Variants in PPARG observed in about 807,000 individuals in gnomAD.
PPARG encodes the protein peroxisome proliferator-activated receptor gamma.
A neutral mutation model predicts 39.2 loss-of-function variants in PPARG; 17 were observed. The ratio of observed to expected loss-of-function variants is 0.43; its 90% CI spans 0.30 to 0.65. PPARG has a LOEUF of 0.65. Ranked by LOEUF, PPARG falls within the 30% of genes least tolerant of loss-of-function variation. The pLI is 0.13. For synonymous variants in PPARG, 223 were observed against 215.7 expected (o/e 1.03, Z -0.30); for missense variants, 406 against 585.9 (o/e 0.69, Z 3.17).
rs78717208 is a variant in PPARG at position 12,334,306 on chromosome 3, C to T, written c.-9+21853C>T. On this transcript the variant is annotated intron_variant, in intron 2 of 7. Coordinates refer to ENST00000651735, the MANE Select transcript of PPARG (RefSeq NM_138711.6). ...AGTGCAGTGGTACGATTTTGGCTCA[C>T]TGCAACCTCTGCCTCCCGGGTTCAA... Among the ~76,000 whole-genome samples the T allele has an allele frequency of 8.6e-5, 13 of 151,654 alleles. No homozygotes were observed. In the East Asian group the frequency reaches 2.5e-3, roughly 29 times the overall value.
At chr3:12,397,088 A>T (rs75636282) in intron 5 of PPARG, among the ~76,000 whole-genome samples, 3 of 152,044 alleles carry the variant, frequency 2.0e-5, no homozygotes, top group Admixed American at 2.0e-4. Flanking sequence ...GGTTAAAAAT[A>T]TGTTTTTCAT....
rs146574760 is a variant in PPARG, at chr3:12,298,667, C to T, written c.-83+9533C>T. 3.5e-3 allele frequency among the ~76,000 whole-genome samples: 527 copies of T among 152,174 alleles called. 2 individuals are homozygous for T. The highest frequency in any genetic ancestry group is 6.8e-3 in the Middle Eastern group (2 of 294). On this transcript the variant is annotated intron_variant, in intron 1 of 7. Coordinates refer to ENST00000651735, the MANE Select transcript of PPARG (RefSeq NM_138711.6). ...TTATAAATATTTATTCTGTATGCCT[C>T]CCCAGTTTGGGATGATTTCATCCTT...
intron 4 of PPARG, among the ~76,000 whole-genome samples, chr3:12,390,636 CCT>C (rs2050039595): frequency 1.4e-5 from 1 of 69,186 alleles, no homozygotes; most frequent in Non-Finnish European, 2.6e-5. Flanking sequence ...GTATTTTCTT[CCT>C]TTTTTTTTTT....
chr3:12,400,666 T>G (rs1406522310), intron 5 of PPARG, among the ~76,000 whole-genome samples: 1 of 152,186 alleles, frequency 6.6e-6, no homozygotes, highest in Non-Finnish European at 1.5e-5. Context: ...GCCAGATCTG[T>G]AGAACAGACA....
chr3:12,314,607 G>A (rs905991039), intron 2 of PPARG, among the ~76,000 whole-genome samples: 2 of 152,050 alleles, frequency 1.3e-5, no homozygotes, highest in African/African-American at 4.8e-5. Flanking sequence ...CAAAATATCT[G>A]ACCCTCGCCG....
At chr3:12,338,354 C>T (rs1050161449) in intron 2 of PPARG, among the ~76,000 whole-genome samples, 1 of 152,058 alleles carries the variant, frequency 6.6e-6, no homozygotes, top group African/African-American at 2.4e-5. Context: ...CCTCTTTTGT[C>T]TTTATTTATA....
chr3:12,378,153 C>T (rs1448940332), intron 2 of PPARG, among the ~76,000 whole-genome samples: 1 of 152,086 alleles, frequency 6.6e-6, no homozygotes, highest in African/African-American at 2.4e-5. Context: ...AGAGGGAACC[C>T]TTGTACACTG....
intron 5 of PPARG, among the ~76,000 whole-genome samples, chr3:12,393,803 T>C (rs890574674): frequency 7.9e-5 from 12 of 152,162 alleles, no homozygotes; most frequent in African/African-American, 2.9e-4. Flanking sequence ...AGATACTTGG[T>C]TTTCACAGTG....
At chr3:12,287,782 G>C (rs2046538966), upstream of PPARG, 1 of 135,600 alleles carries the variant, frequency 7.4e-6, no homozygotes, top group Admixed American at 7.0e-5. Flanking sequence ...CCTCCCAGTC[G>C]CGCGCCGCCG....
In PPARG at chr3:12,373,662, TA is replaced by T. The variant is rs554136295; in HGVS notation, c.-8-6031del. 9.7e-3 allele frequency among the ~76,000 whole-genome samples: 1,419 copies of T among 146,538 alleles called. 11 individuals are homozygous for T. The highest frequency in any genetic ancestry group is 0.017 in the African/African-American group (669 of 40,228). On this transcript the variant is annotated intron_variant, in intron 2 of 7. Transcript: ENST00000651735. Reference sequence around the variant, plus strand: ...GATCATCAATTGGCAAGAATTTGGTTAAAAAAAAAAACTGTGCATAGAATAT... The same window carrying T: ...GATCATCAATTGGCAAGAATTTGGTTAAAAAAAAAACTGTGCATAGAATAT...
intron 2 of PPARG, among the ~76,000 whole-genome samples, chr3:12,321,283 G>A (rs1250196690): frequency 1.3e-5 from 2 of 152,078 alleles, no homozygotes; most frequent in African/African-American, 4.8e-5. Context: ...TCTGATACAT[G>A]GAAGTTATAA....
At chr3:12,424,932 C>G (rs1290559472) in intron 7 of PPARG, among the ~76,000 whole-genome samples, 1 of 152,196 alleles carries the variant, frequency 6.6e-6, no homozygotes, top group South Asian at 2.1e-4. Flanking sequence ...GTTCAGCACA[C>G]AATAAATGCT....
chr3:12,299,600 A>T (rs924743653), intron 1 of PPARG, among the ~76,000 whole-genome samples: 8 of 152,194 alleles, frequency 5.3e-5, no homozygotes, highest in African/African-American at 1.9e-4. Flanking sequence ...TTCCTTGAAA[A>T]TCCAAATGAC....
intron 5 of PPARG, among the ~76,000 whole-genome samples, chr3:12,396,341 C>G (rs4135270): frequency 6.6e-6 from 1 of 152,162 alleles, no homozygotes; most frequent in East Asian, 1.9e-4. Context: ...AAGATGGTCT[C>G]GAACTCCTGA....
At chr3:12,401,324 A>G (rs1469620139) in intron 5 of PPARG, among the ~76,000 whole-genome samples, 1 of 152,214 alleles carries the variant, frequency 6.6e-6, no homozygotes, top group Non-Finnish European at 1.5e-5. Flanking sequence ...AGATGGACAC[A>G]TAGATTAGGT....
intron 4 of PPARG, among the ~76,000 whole-genome samples, chr3:12,388,246 G>C (rs4135326): frequency 6.6e-6 from 1 of 152,196 alleles, no homozygotes; most frequent in Non-Finnish European, 1.5e-5. Flanking sequence ...ATTCTACATC[G>C]GGCATATTCT....
In PPARG at chr3:12,310,585, T is replaced by A. The variant is rs1410710598; in HGVS notation, c.-82-1795T>A. Among the ~76,000 whole-genome samples, 4 of 113,784 alleles carry A rather than the reference T, an allele frequency of 3.5e-5. 2 individuals are homozygous for A. The highest frequency in any genetic ancestry group is 7.3e-5 in the Non-Finnish European group (4 of 54,922). 74.6% of individuals were successfully genotyped at this position (113,784 alleles called of 152,430 possible). ...TTCACGCCATTCTCCTGCCTCAGCCTCCCAAGTAGCTGGGACTACAGGCGC... is the reference window on the plus strand; with the variant it reads ...TTCACGCCATTCTCCTGCCTCAGCCACCCAAGTAGCTGGGACTACAGGCGC... On this transcript the variant is annotated intron_variant, in intron 1 of 7. Coordinates refer to ENST00000651735, the MANE Select transcript of PPARG (RefSeq NM_138711.6).
At chr3:12,414,909 G>C (rs1256629249) in intron 6 of PPARG, among the ~76,000 whole-genome samples, 1 of 152,172 alleles carries the variant, frequency 6.6e-6, no homozygotes, top group Admixed American at 6.5e-5. Flanking sequence ...AATAACTCCA[G>C]TAAAGGGTGT....
chr3:12,385,211 G>A (rs2049828754), intron 4 of PPARG, among the ~76,000 whole-genome samples: 1 of 152,138 alleles, frequency 6.6e-6, no homozygotes, highest in Non-Finnish European at 1.5e-5. Context: ...AGTAAAATGT[G>A]GGTTATATTC....
Sources: allele counts gnomAD v4.1 joint callset (sites outside exome capture counted in the v4.1 genomes callset), GRCh38; gene constraint gnomAD v4.1.1; transcripts MANE v1.5; gene names NCBI Gene and HGNC (gene_info 2026-07-23, HGNC 2026-07-21).